CNGB1: variants seen among roughly 807,000 people sequenced by gnomAD.
CNGB1 encodes the protein cyclic nucleotide gated channel subunit beta 1.
Under a neutral mutation model 151.7 loss-of-function variants are expected in CNGB1, and 126 were observed. That is an observed-to-expected ratio of 0.83 (90% confidence interval 0.72 to 0.96). The LOEUF (loss-of-function observed/expected upper bound fraction) is 0.96, where lower values mean the gene tolerates loss of function less well. Among genes scored for constraint, CNGB1 ranks in the 40% least tolerant of loss-of-function variants. CNGB1 has a pLI of 0.00. For synonymous variants in CNGB1, 623 were observed against 635.1 expected, an observed-to-expected ratio of 0.98 and a Z score of 0.29; for missense variants, 1,698 against 1,627.0, an observed-to-expected ratio of 1.04 and a Z score of -0.75.
At chr16:57,896,840 G>T (rs1453840217) in intron 31 of CNGB1, among the ~76,000 whole-genome samples, 2 of 151,990 alleles carry the variant, frequency 1.3e-5, no homozygotes, top group African/African-American at 4.8e-5. Flanking sequence ...CCCAGATCAA[G>T]GAAGACTAAG....
At chr16:57,940,206 A>G in intron 15 of CNGB1, 28 bp downstream of exon 15, 1 of 1,544,048 alleles carries the variant, frequency 6.5e-7, no homozygotes, top group Non-Finnish European at 8.8e-7. Context: ...CAGGCCTCAG[A>G]GGTGCCAGTG....
intron 18 of CNGB1, among the ~76,000 whole-genome samples, chr16:57,920,819 G>A (rs1205383494): frequency 3.3e-5 from 5 of 152,190 alleles, no homozygotes. Context: ...GAAAAAGCGT[G>A]ACTCCACTTG....
intron 25 of CNGB1, among the ~76,000 whole-genome samples, chr16:57,905,134 G>A (rs919993486): frequency 5.9e-5 from 9 of 152,158 alleles, no homozygotes; most frequent in African/African-American, 2.2e-4. Flanking sequence ...GGAAACTGAG[G>A]CTCCAGGGGA....
At chr16:57,884,490 A>G in intron 32 of CNGB1, 33 bp from the exon 33 acceptor site, 1 of 1,612,162 alleles carries the variant, frequency 6.2e-7, no homozygotes, top group Non-Finnish European at 8.5e-7. Context: ...CGTGAGGCAC[A>G]GACTCTCGGA....
chr16:57,916,943 G>C (rs547515445), intron 21 of CNGB1, among the ~76,000 whole-genome samples: 1 of 152,284 alleles, frequency 6.6e-6, no homozygotes, highest in South Asian at 2.1e-4. Context: ...AAACAGAGGC[G>C]ATTCAGCTAG....
rs186369436 is a variant in CNGB1, at chr16:57,918,415, C to T, written c.1957+684G>A. 1.1e-4 allele frequency among the ~76,000 whole-genome samples: 16 copies of T among 152,270 alleles called. No individual in the cohort carries two copies. The East Asian group carries it at 2.3e-3, about 22-fold the overall frequency. ...AAGGTCAGATAAGAAAGGCAGGGAGCCCTCTGTAAACTCTAAAGTGCTATG... is the reference window on the plus strand; with the variant it reads ...AAGGTCAGATAAGAAAGGCAGGGAGTCCTCTGTAAACTCTAAAGTGCTATG... On this transcript the variant is annotated intron_variant, in intron 20 of 32. Transcript: ENST00000251102.
At chr16:57,965,355 A>ATGCATGCCCCAATACATATGTGCATACAG (rs1962367235) in intron 2 of CNGB1, among the ~76,000 whole-genome samples, 1 of 152,258 alleles carries the variant, frequency 6.6e-6, no homozygotes, top group Admixed American at 6.5e-5. Context: ...ATACAGTCAT[A>ATGCATGCCCCAATACATATGTGCATACAG]TGCAAACGTG....
At chr16:57,968,552 G>A (rs1045728525) in intron 1 of CNGB1, among the ~76,000 whole-genome samples, 2 of 152,130 alleles carry the variant, frequency 1.3e-5, no homozygotes, top group Non-Finnish European at 2.9e-5. Flanking sequence ...ACTGGCACAT[G>A]CCGAGGGCTT....
chr16:57,965,299 A>ATGTGTATGTACATATG (rs1567400289), intron 2 of CNGB1, among the ~76,000 whole-genome samples: 9 of 152,324 alleles, frequency 5.9e-5, no homozygotes, highest in African/African-American at 2.2e-4. Context: ...ATGTACATAT[A>ATGTGTATGTACATATG]CATGTGTATG....
At chr16:57,947,008 T>G (rs768397848) in intron 14 of CNGB1, among the ~76,000 whole-genome samples, 1 of 152,212 alleles carries the variant, frequency 6.6e-6, no homozygotes, top group Non-Finnish European at 1.5e-5. Context: ...TGCACACACA[T>G]GTATGAATAT....
intron 23 of CNGB1, among the ~76,000 whole-genome samples, chr16:57,914,899 T>C (rs1056272537): frequency 1.3e-5 from 2 of 151,256 alleles, no homozygotes. Context: ...TGAGAGTCTC[T>C]ATAATCACTG....
chr16:57,966,022 C>T (rs1387215882), intron 2 of CNGB1, among the ~76,000 whole-genome samples: 1 of 152,202 alleles, frequency 6.6e-6, no homozygotes, highest in East Asian at 1.9e-4. Context: ...CTGCCCTTCT[C>T]TAGTAACAGC....
intron 8 of CNGB1, 112 bp from the exon 9 acceptor site, chr16:57,960,642 T>TG: frequency 7.0e-7 from 1 of 1,420,784 alleles, no homozygotes; most frequent in Non-Finnish European, 9.7e-7. Flanking sequence ...GGGATGGGGG[T>TG]GGGGGGTGTC....
At chr16:57,926,194 C>T (rs1961183126) in intron 17 of CNGB1, among the ~76,000 whole-genome samples, 1 of 152,230 alleles carries the variant, frequency 6.6e-6, no homozygotes, top group Admixed American at 6.5e-5. Context: ...TCTGAGAACA[C>T]ACCCTGGGGC....
rs1960278326 is a variant in CNGB1, at chr16:57,897,880, G to A, written c.3011C>T (p.Ala1004Val). The part of the protein sequence containing the change: ...EIGREMYIIQ[A>V]GQVQVLGGPD... ...GCCGCCCAAGACCTGCACTTGCCCT[G>A]CCTGGATGATGTACATCTCACGGCC... Residue 1004 changes from alanine (A) to valine (V), a missense_variant, in exon 30 of 33, where the codon GCA (alanine) becomes GTA (valine). Transcript: ENST00000251102. The A allele has an allele frequency of 6.2e-7, 1 of 1,614,184 alleles. No individual in the cohort carries two copies. Among genetic ancestry groups the A allele is most frequent in the Non-Finnish European group, 8.5e-7 (1 of 1,180,032 alleles).
intron 22 of CNGB1, among the ~76,000 whole-genome samples, chr16:57,915,777 T>C (rs1162548922): frequency 6.6e-6 from 1 of 151,572 alleles, no homozygotes; most frequent in African/African-American, 2.4e-5. Flanking sequence ...CGCACACTTG[T>C]AATCCCAGCT....
chr16:57,895,531 ATATAT>A (rs760642214), intron 31 of CNGB1, among the ~76,000 whole-genome samples: 3 of 148,170 alleles, frequency 2.0e-5, no homozygotes, highest in Non-Finnish European at 3.0e-5. Flanking sequence ...TATATACATA[ATATAT>A]TATATATGTA....
In CNGB1 at chr16:57,884,437, G is replaced by A. The variant is rs776024444; in HGVS notation, c.3483C>T (p.Val1161=). ...GGGCGGCGGAGCCTTCCTCTCCCTT[G>A]ACGTCTTGCGAGCTCTTGGCCTGGA... ...LVEQAKSSQD[V]KGEEGSAAPD... is the part of the protein sequence containing the mutation. Residue 1161 remains valine, a synonymous_variant, in exon 33 of 33, where the codon GTC becomes GTT. Coordinates refer to ENST00000251102, the MANE Select transcript of CNGB1 (RefSeq NM_001297.5). The A allele has an allele frequency of 2.6e-5, 42 of 1,613,608 alleles. No individual in the cohort carries two copies. In the East Asian group the frequency reaches 8.7e-4, roughly 33 times the overall value.
At position 57,884,029 on chromosome 16, in the gene CNGB1, G is replaced by T; in HGVS notation, c.*135C>A. 7.8e-7 allele frequency: 1 copy of T among 1,288,056 alleles called. No individual in the cohort carries two copies. Among genetic ancestry groups the T allele is most frequent in the Non-Finnish European group, 1.1e-6 (1 of 899,860 alleles). 79.8% of individuals were successfully genotyped at this position (1,288,056 alleles called of 1,614,324 possible). ...TGCTGGCGGGACGGTCAGAGCTGCA[G>T]CCACTGAGGTCACGACTACGGAAAA... On this transcript the variant is annotated 3_prime_UTR_variant, in exon 33 of 33. Coordinates refer to ENST00000251102, the MANE Select transcript of CNGB1 (RefSeq NM_001297.5).
Sources: allele counts gnomAD v4.1 joint callset (sites outside exome capture counted in the v4.1 genomes callset), GRCh38; gene constraint gnomAD v4.1.1; transcripts MANE v1.5; gene names NCBI Gene and HGNC (gene_info 2026-07-23, HGNC 2026-07-21).